The following DAB1 variants were observed in gnomAD, a reference collection of about 807,000 sequenced individuals.
DAB1 encodes the protein disabled homolog 1.
Under a neutral mutation model 64.6 loss-of-function variants are expected in DAB1, and 15 were observed. The ratio of observed to expected loss-of-function variants is 0.23; its 90% confidence interval spans 0.16 to 0.36. DAB1 has a LOEUF of 0.36. Ranked by LOEUF, DAB1 falls within the 10% of genes least tolerant of loss-of-function variation. The pLI, the probability that DAB1 is intolerant of heterozygous loss-of-function variation, is 1.00. For synonymous variants in DAB1, 235 were observed against 251.9 expected (o/e 0.93, Z 0.64); for missense variants, 596 against 706.7 (o/e 0.84, Z 1.78).
At chr1:57,480,013 A>G (rs1016430130) in intron 7 of DAB1, among the ~76,000 whole-genome samples, 2 of 151,574 alleles carry the variant, frequency 1.3e-5, no homozygotes, top group African/African-American at 4.8e-5. Context: ...TTAGCCGGGC[A>G]TGGTGGCGCG....
chr1:58,492,600 C>T (rs1406707842), intron 3 of DAB1, among the ~76,000 whole-genome samples: 1 of 152,152 alleles, frequency 6.6e-6, no homozygotes, highest in Non-Finnish European at 1.5e-5. Context: ...ACCGATCCCA[C>T]AGAAATACAA....
intron 6 of DAB1, among the ~76,000 whole-genome samples, chr1:57,704,468 G>C (rs1454415533): frequency 2.6e-5 from 4 of 152,046 alleles, no homozygotes; most frequent in Admixed American, 6.6e-5. Flanking sequence ...TTTAATAATG[G>C]TTTATTCCAT....
At chr1:57,541,254 G>A (rs1024428206) in intron 7 of DAB1, among the ~76,000 whole-genome samples, 9 of 151,584 alleles carry the variant, frequency 5.9e-5, no homozygotes, top group African/African-American at 1.7e-4. Context: ...TCAGCCTCCC[G>A]AGTAGCTGGG....
intron 1 of DAB1, among the ~76,000 whole-genome samples, chr1:57,871,254 T>C (rs1307000098): frequency 1.4e-5 from 2 of 146,482 alleles, no homozygotes; most frequent in East Asian, 2.0e-4. Context: ...GAAATAGATA[T>C]AACTATCTAA....
At chr1:58,456,343 T>C (rs1253288947) in intron 3 of DAB1, among the ~76,000 whole-genome samples, 2 of 152,198 alleles carry the variant, frequency 1.3e-5, no homozygotes, top group African/African-American at 4.8e-5. Context: ...ACATTCATAA[T>C]CACTATGTTT....
intron 5 of DAB1, among the ~76,000 whole-genome samples, chr1:57,965,548 G>T (rs1190504177): frequency 6.6e-6 from 1 of 152,080 alleles, no homozygotes; most frequent in African/African-American, 2.4e-5. Context: ...TTTGATAAAG[G>T]TTATTGATTA....
At chr1:57,134,565 G>A (rs1480201849) in intron 4 of DAB1, among the ~76,000 whole-genome samples, 1 of 151,950 alleles carries the variant, frequency 6.6e-6, no homozygotes, top group Non-Finnish European at 1.5e-5. Context: ...AATAACTATT[G>A]GGTACTAGGC....
intron 5 of DAB1, among the ~76,000 whole-genome samples, chr1:57,964,730 G>A (rs150255953): frequency 2.6e-4 from 40 of 152,072 alleles, no homozygotes; most frequent in African/African-American, 9.2e-4. Context: ...CAGAATTTAC[G>A]TCTTAGTTAT....
intron 1 of DAB1, among the ~76,000 whole-genome samples, chr1:57,323,941 A>G (rs1202783070): frequency 2.6e-5 from 4 of 152,018 alleles, no homozygotes; most frequent in South Asian, 4.1e-4. Context: ...GGTGAGTGGG[A>G]TTTCTCTCTA....
chr1:57,096,624 C>G (rs1427116786), intron 4 of DAB1, among the ~76,000 whole-genome samples: 1 of 152,154 alleles, frequency 6.6e-6, no homozygotes, highest in Non-Finnish European at 1.5e-5. Context: ...TCTCAGGTGC[C>G]TTGCCTGACC....
intron 7 of DAB1, among the ~76,000 whole-genome samples, chr1:57,644,904 G>A (rs1414069026): frequency 1.3e-5 from 2 of 152,116 alleles, no homozygotes; most frequent in African/African-American, 2.4e-5. Context: ...GAATGAATGA[G>A]AACCTTGGTT....
chr1:57,922,602 G>A (rs908942289), intron 5 of DAB1, among the ~76,000 whole-genome samples: 1 of 151,900 alleles, frequency 6.6e-6, no homozygotes, highest in African/African-American at 2.4e-5. Context: ...ATGCACAAAT[G>A]ATAACCCCTT....
At chr1:57,370,594 C>T (rs573548182) in intron 1 of DAB1, among the ~76,000 whole-genome samples, 1 of 143,556 alleles carries the variant, frequency 7.0e-6, no homozygotes, top group East Asian at 2.0e-4. Context: ...AAATGAGAAA[C>T]AGATTTAAAA....
chr1:57,715,536 C>T (rs3131717), intron 6 of DAB1, among the ~76,000 whole-genome samples: 56 of 151,922 alleles, frequency 3.7e-4, no homozygotes, highest in Non-Finnish European at 6.5e-4. Context: ...ATATACGTAT[C>T]GAAAACTCTG....
Position 57,015,354 on chromosome 1 carries a change from C to T in DAB1, c.973G>A (p.Ala325Thr), listed in dbSNP as rs1254391310. The T allele has an allele frequency of 6.2e-7, 1 of 1,614,040 alleles. No individual in the cohort carries two copies. Among genetic ancestry groups the T allele is most frequent in the Admixed American group, 1.7e-5 (1 of 60,022 alleles). The change falls in exon 12 of 15, where the codon GCC (alanine) becomes ACC (threonine). Residue 325 changes from alanine to threonine, a missense_variant. Transcript: ENST00000371236. ...ATCACCTGAGCGACTGGTGGCTGGGCACCCATGACCATCTGCTGTTGGACG... is the reference window on the plus strand; with the variant it reads ...ATCACCTGAGCGACTGGTGGCTGGGTACCCATGACCATCTGCTGTTGGACG... ...PLVQQQMVMG[A>T]QPPVAQVMPG...
intron 1 of DAB1, among the ~76,000 whole-genome samples, chr1:57,369,296 A>T (rs1680305079): frequency 6.6e-6 from 1 of 152,222 alleles, no homozygotes; most frequent in South Asian, 2.1e-4. Flanking sequence ...GAAGGACAGG[A>T]AGGAGATCCA....
intron 2 of DAB1, among the ~76,000 whole-genome samples, chr1:57,223,527 C>G (rs913078561): frequency 6.6e-6 from 1 of 152,138 alleles, no homozygotes; most frequent in Non-Finnish European, 1.5e-5. Flanking sequence ...CTATGCTCAG[C>G]AGAGCTACGT....
At chr1:57,047,357 G>A (rs1018815848) in intron 9 of DAB1, among the ~76,000 whole-genome samples, 9 of 152,142 alleles carry the variant, frequency 5.9e-5, no homozygotes, top group African/African-American at 2.2e-4. Flanking sequence ...GTATGTTAAA[G>A]CCCTAACCCC....
At chr1:58,515,018 G>T (rs1646138237) in intron 2 of DAB1, among the ~76,000 whole-genome samples, 2 of 152,072 alleles carry the variant, frequency 1.3e-5, no homozygotes, top group Non-Finnish European at 2.9e-5. Context: ...AAATGTTATT[G>T]ATTATTATAC....
Sources: allele counts gnomAD v4.1 joint callset (sites outside exome capture counted in the v4.1 genomes callset), GRCh38; gene constraint gnomAD v4.1.1; transcripts MANE v1.5; gene names NCBI Gene and HGNC (gene_info 2026-07-23, HGNC 2026-07-21).